The following ZDBF2 variants were observed in gnomAD, a reference collection of about 807,000 sequenced individuals.
ZDBF2 encodes DBF4-type zinc finger-containing protein 2.
In ZDBF2, 6 loss-of-function variants were observed where a neutral mutation model predicts 9.4. The ratio of observed to expected loss-of-function variants is 0.64; its 90% confidence interval spans 0.35 to 1.27. The LOEUF (loss-of-function observed/expected upper bound fraction) is 1.27. Ranked by LOEUF, ZDBF2 falls within the 50% of genes most tolerant of loss-of-function variation. The probability of loss-of-function intolerance (pLI) is 0.03; values close to 1 mark genes in which losing one functional copy is unlikely to be tolerated. For synonymous variants in ZDBF2, 905 were observed against 946.3 expected (o/e 0.96, Z 0.80); for missense variants, 2,697 against 2,766.8 (o/e 0.97, Z 0.57).
rs36095066 is a variant in ZDBF2, at chr2:206,310,752, G to T, written c.6224G>T (p.Arg2075Met). The T allele has an allele frequency of 8.3e-3, 13,474 of 1,613,870 alleles. 77 individuals carry two copies. Among genetic ancestry groups the T allele is most frequent in the Non-Finnish European group, 9.7e-3 (11,407 of 1,179,888 alleles). ...AGTGTAATAGTACCAGAGTTTGAGA[G>T]GCGTAACTGGGTTAAAATTCATTTT... ...PLSVIVPEFERRNWVKIHFNR... is the reference protein window; with the variant it reads ...PLSVIVPEFEMRNWVKIHFNR... The change falls in exon 5 of 5, where the codon AGG becomes ATG. Residue 2075 changes from arginine (R) to methionine (M), a missense_variant. This residue lies in a region of ZDBF2 where 1,783 missense variants were observed against 1,776.5 expected (regional missense o/e 1.00). Transcript: ENST00000374423.
rs1692410260 is a variant in ZDBF2 at position 206,299,935 on chromosome 2, C to A, written c.188+2562C>A. ...CCAGCCTGACCAACATGGAGAAACC[C>A]TGCCTTTACTAAAAATACAAAAAAT... On this transcript the variant is annotated intron_variant, in intron 4 of 4. Coordinates refer to ENST00000374423, the MANE Select transcript of ZDBF2 (RefSeq NM_020923.3). Among the ~76,000 whole-genome samples, 3 of 152,136 alleles carry A rather than the reference C, an allele frequency of 2.0e-5. No individual in the cohort carries two copies. The South Asian group carries it at 6.2e-4, about 31-fold the overall frequency.
At chr2:206,301,278 T>C (rs1473672086) in intron 4 of ZDBF2, among the ~76,000 whole-genome samples, 5 of 152,116 alleles carry the variant, frequency 3.3e-5, no homozygotes, top group Non-Finnish European at 5.9e-5. Flanking sequence ...TTTCAGAACC[T>C]AATTGTTTGT....
At chr2:206,296,305 A>G (rs545598361) in intron 3 of ZDBF2, among the ~76,000 whole-genome samples, 7 of 152,218 alleles carry the variant, frequency 4.6e-5, no homozygotes, top group Non-Finnish European at 1.0e-4. Context: ...CCCACTCAGG[A>G]CATGAATCAT....
chr2:206,310,115 T>C lies in ZDBF2; in HGVS notation c.5587T>C (p.Cys1863Arg). 1 of 1,613,552 alleles carries C rather than the reference T, an allele frequency of 6.2e-7. No individual in the cohort carries two copies. Among genetic ancestry groups the C allele is most frequent in the Non-Finnish European group, 8.5e-7 (1 of 1,179,806 alleles). Residue 1863 changes from cysteine (C) to arginine (R), a missense_variant, in exon 5 of 5, where the codon TGT (cysteine) becomes CGT (arginine). Physicochemically the swap from Cys to Arg is radical, Grantham distance 180. This residue lies in a region of ZDBF2 where 1,783 missense variants were observed against 1,776.5 expected (regional missense o/e 1.00). Transcript: ENST00000374423. ...GRFHCYFDDD[C>R]ETKKVSSKGK... The stretch of plus-strand genomic sequence containing the variant: ...TTTCCACTGTTACTTTGATGATGAC[T>C]GTGAGACCAAAAAAGTTTCTTCGAA...
At chr2:206,290,939 T>A (rs1691858692) in intron 3 of ZDBF2, among the ~76,000 whole-genome samples, 1 of 152,200 alleles carries the variant, frequency 6.6e-6, no homozygotes, top group South Asian at 2.1e-4. Context: ...GAGAAAACTT[T>A]CAGTCTTTCA....
At position 206,312,241 on chromosome 2, in the gene ZDBF2, G is replaced by A. The variant is rs1214009074; in HGVS notation, c.*648G>A. 6.6e-6 allele frequency: 1 copy of A among 151,892 alleles called. No individual in the cohort carries two copies. The highest frequency in any genetic ancestry group is 1.5e-5 in the Non-Finnish European group (1 of 68,004). 9.4% of individuals were successfully genotyped at this position (151,892 alleles called of 1,614,324 possible). A position where few individuals can be genotyped will look rare whatever the true frequency, so the allele number is the denominator to read the frequency against. Reference sequence around the variant, plus strand: ...TGGGTTAGCCTTATTAGATCTTAAAGGGGAAAATAATTTTGCCCATGTGTT... The same window carrying A: ...TGGGTTAGCCTTATTAGATCTTAAAAGGGAAAATAATTTTGCCCATGTGTT... On this transcript the variant is annotated 3_prime_UTR_variant, in exon 5 of 5. Transcript: ENST00000374423.
intron 4 of ZDBF2, among the ~76,000 whole-genome samples, chr2:206,303,387 A>G (rs1692603618): frequency 6.6e-6 from 1 of 152,108 alleles, no homozygotes; most frequent in African/African-American, 2.4e-5. Context: ...AGTGCCTGTA[A>G]TGCAGTAGTA....
At position 206,309,431 on chromosome 2, in the gene ZDBF2, T is replaced by C. The variant is rs750072242; in HGVS notation, c.4903T>C (p.Ser1635Pro). 2 of 1,613,814 alleles carry C rather than the reference T, an allele frequency of 1.2e-6. No individual in the cohort carries two copies. Among genetic ancestry groups the C allele is most frequent in the South Asian group, 2.2e-5 (2 of 91,048 alleles). ...TTTTAATGTTGATGCCTCTGATCAG[T>C]CCATGACTTACGAGTCACAAGGACC... is the stretch of plus-strand genomic sequence containing the variant. ...MNFNVDASDQ[S>P]MTYESQGPDE... The change falls in exon 5 of 5, where the codon TCC (serine) becomes CCC (proline). Residue 1635 changes from serine (S) to proline (P), a missense_variant. Physicochemically the swap from Ser to Pro is moderately conservative, Grantham distance 74. Around this residue, in one of 3 missense-constraint regions of ZDBF2, gnomAD observed 1,783 missense variants for 1,776.5 expected, o/e 1.00. Coordinates refer to ENST00000374423, the MANE Select transcript of ZDBF2 (RefSeq NM_020923.3).
Position 206,305,414 on chromosome 2 carries a change from G to T in ZDBF2, c.886G>T (p.Gly296Cys). The change falls in exon 5 of 5, where the codon GGC (glycine) becomes TGC (cysteine). Residue 296 changes from glycine (G) to cysteine (C), a missense_variant. By Grantham distance (159) the Gly-to-Cys change is radical. This residue lies in a region of ZDBF2 where 910 missense variants were observed against 973.6 expected (regional missense o/e 0.93). Coordinates refer to ENST00000374423, the MANE Select transcript of ZDBF2 (RefSeq NM_020923.3). ...LKFHERMGTK[G>C]SLRVKSPSKL... is the part of the protein sequence containing the mutation. ...ATTCCATGAACGCATGGGTACTAAGGGCTCCTTAAGAGTTAAATCTCCTTC... is the reference window on the plus strand; with the variant it reads ...ATTCCATGAACGCATGGGTACTAAGTGCTCCTTAAGAGTTAAATCTCCTTC... The T allele has an allele frequency of 6.2e-7, 1 of 1,613,398 alleles. No individual in the cohort carries two copies. Among genetic ancestry groups the T allele is most frequent in the Non-Finnish European group, 8.5e-7 (1 of 1,179,714 alleles).
intron 4 of ZDBF2, among the ~76,000 whole-genome samples, chr2:206,299,882 C>T (rs921260722): frequency 1.3e-5 from 2 of 151,778 alleles, no homozygotes; most frequent in African/African-American, 2.4e-5. Flanking sequence ...CCGAGGCGGG[C>T]GGATCACCTG....
At position 206,307,160 on chromosome 2, in the gene ZDBF2, G is replaced by A; in HGVS notation, c.2632G>A (p.Ala878Thr). Residue 878 changes from alanine (A) to threonine (T), a missense_variant, in exon 5 of 5, where the codon GCC becomes ACC. By Grantham distance (58) the Ala-to-Thr change is moderately conservative. Transcript: ENST00000374423. Reference protein sequence around the residue: ...SGSEISSDSHAPLHSVTNSPE... With the variant: ...SGSEISSDSHTPLHSVTNSPE... ...TTCTGAAATAAGTTCGGATTCCCAT[G>A]CCCCTCTTCATTCAGTGACTAATTC... 1 of 1,613,350 alleles carries A rather than the reference G, an allele frequency of 6.2e-7. No individual in the cohort carries two copies. The highest frequency in any genetic ancestry group is 1.1e-5 in the South Asian group (1 of 90,920).
At position 206,309,633 on chromosome 2, in the gene ZDBF2, G is replaced by T. The variant is rs1347785484; in HGVS notation, c.5105G>T (p.Ser1702Ile). The T allele has an allele frequency of 3.1e-6, 5 of 1,613,790 alleles. No individual in the cohort carries two copies. The African/African-American group carries it at 4.0e-5, about 13-fold the overall frequency. ...DPRNAGLKGK[S>I]CQSSASAVDF... ...AGAAATGCTGGCCTAAAAGGTAAGA[G>T]CTGTCAGTCTAGTGCTTCTGCAGTG... The change falls in exon 5 of 5, where the codon AGC becomes ATC. Residue 1702 changes from serine (S) to isoleucine (I), a missense_variant. This residue lies in a region of ZDBF2 where 1,783 missense variants were observed against 1,776.5 expected (regional missense o/e 1.00). Coordinates refer to ENST00000374423, the MANE Select transcript of ZDBF2 (RefSeq NM_020923.3).
At chr2:206,281,714 A>G in intron 2 of ZDBF2, 87 bp from the exon 3 acceptor site, 1 of 764,704 alleles carries the variant, frequency 1.3e-6, no homozygotes, top group Non-Finnish European at 2.1e-6. Context: ...TTAGAAGTGA[A>G]TTTCTGTTTT....
chr2:206,297,198 A>T, intron 3 of ZDBF2, 48 bp from the exon 4 acceptor site: 1 of 810,592 alleles, frequency 1.2e-6, no homozygotes, highest in Non-Finnish European at 2.1e-6. Flanking sequence ...AACTCTCACT[A>T]CTGAATACTG....
At position 206,311,857 on chromosome 2, in the gene ZDBF2, G is replaced by A. The variant is rs1007459083; in HGVS notation, c.*264G>A. The A allele has an allele frequency of 3.0e-5, 7 of 232,062 alleles. No individual in the cohort carries two copies. The highest frequency in any genetic ancestry group is 2.7e-4 in the East Asian group (3 of 11,196). The allele number at this position is 232,062 out of a possible 1,614,324, so 14.4% of individuals were successfully genotyped here. ...TTATGTCACAAAATAATTTAGCACC[G>A]TATATAGAATTTTGTTCCTCAAATC... On this transcript the variant is annotated 3_prime_UTR_variant, in exon 5 of 5. Coordinates refer to ENST00000374423, the MANE Select transcript of ZDBF2 (RefSeq NM_020923.3).
chr2:206,302,486 T>C (rs1692557207), intron 4 of ZDBF2, among the ~76,000 whole-genome samples: 1 of 152,166 alleles, frequency 6.6e-6, no homozygotes, highest in Non-Finnish European at 1.5e-5. Flanking sequence ...CTTCTTGGGA[T>C]TTTACCAGCT....
chr2:206,297,187 G>C, intron 3 of ZDBF2, 59 bp from the exon 4 acceptor site: 1 of 658,246 alleles, frequency 1.5e-6, no homozygotes, highest in South Asian at 2.1e-5. Context: ...CCATTTTGTC[G>C]AACTCTCACT....
chr2:206,280,508 G>A (rs945629537), intron 2 of ZDBF2, among the ~76,000 whole-genome samples: 3 of 152,142 alleles, frequency 2.0e-5, no homozygotes, highest in Admixed American at 1.3e-4. Context: ...TTATGTGTAA[G>A]TACAATTTAA....
chr2:206,310,118 G>A lies in ZDBF2; in HGVS notation c.5590G>A (p.Glu1864Lys), dbSNP rs1367181470. The A allele has an allele frequency of 6.2e-7, 1 of 1,613,500 alleles. No homozygotes were observed. The highest frequency in any genetic ancestry group is 8.5e-7 in the Non-Finnish European group (1 of 1,179,768). ...CCACTGTTACTTTGATGATGACTGT[G>A]AGACCAAAAAAGTTTCTTCGAAGGG... Reference protein sequence around the residue: ...RFHCYFDDDCETKKVSSKGKK... With the variant: ...RFHCYFDDDCKTKKVSSKGKK... Residue 1864 changes from glutamate (E) to lysine (K), a missense_variant, in exon 5 of 5, where the codon GAG (glutamate) becomes AAG (lysine). Around this residue, in one of 3 missense-constraint regions of ZDBF2, gnomAD observed 1,783 missense variants for 1,776.5 expected, o/e 1.00. Transcript: ENST00000374423.
Sources: gnomAD v4.1 joint callset for allele counts (sites outside exome capture counted in the v4.1 genomes callset) on GRCh38, gnomAD v4.1.1 for gene constraint, gnomAD v4.1.1 regional missense constraint, MANE v1.5 for transcripts, NCBI Gene and HGNC (gene_info 2026-07-23, HGNC 2026-07-21) for gene names.